SH3RF3: variants seen among roughly 807,000 people sequenced by gnomAD.
The protein encoded by SH3RF3 is E3 ubiquitin-protein ligase SH3RF3.
A neutral mutation model predicts 66.3 loss-of-function variants in SH3RF3; 29 were observed. The ratio of observed to expected loss-of-function variants is 0.44; its 90% CI spans 0.33 to 0.60. SH3RF3 has a LOEUF of 0.60. Ranked by LOEUF, SH3RF3 falls within the 20% of genes least tolerant of loss-of-function variation. The probability of loss-of-function intolerance (pLI) is 0.04; values close to 1 mark genes in which losing one functional copy is unlikely to be tolerated. For missense variants in SH3RF3, 1,194 were observed against 1,190.9 expected (o/e 1.00, Z -0.04); for synonymous variants, 583 against 532.0 (o/e 1.10, Z -1.32).
intron 1 of SH3RF3, among the ~76,000 whole-genome samples, chr2:109,266,141 A>G (rs1260894657): frequency 7.3e-6 from 1 of 137,414 alleles, no homozygotes; most frequent in Non-Finnish European, 1.6e-5. Flanking sequence ...TTGTAGGTGC[A>G]TGTGTGCTGT....
At chr2:109,135,149 C>A (rs1434483707) in intron 1 of SH3RF3, among the ~76,000 whole-genome samples, 1 of 152,220 alleles carries the variant, frequency 6.6e-6, no homozygotes. Flanking sequence ...GGGTTTCTTC[C>A]CCTTGTACTT....
Position 109,244,058 on chromosome 2 carries a change from T to C in SH3RF3, c.574-103616T>C, listed in dbSNP as rs1679853026. On this transcript the variant is annotated intron_variant, in intron 1 of 9. Transcript: ENST00000309415. ...GTGAGATGGGTAATTGTAGCGAGGG[T>C]ATTTTCTCTGTTGGTCCTAGATTGC... 2.0e-5 allele frequency among the ~76,000 whole-genome samples: 3 copies of C among 152,202 alleles called. 1 individual carries two copies. Among genetic ancestry groups the C allele is most frequent in the Admixed American group, 1.3e-4 (2 of 15,278 alleles).
chr2:109,319,098 T>C (rs1681957200), intron 1 of SH3RF3, among the ~76,000 whole-genome samples: 1 of 152,146 alleles, frequency 6.6e-6, no homozygotes, highest in African/African-American at 2.4e-5. Flanking sequence ...CAGCAGCTGC[T>C]TGTAGGTGTC....
At chr2:109,249,588 C>CCTTCTTTTCTTTCTTTCTTTT (rs1680031809) in intron 1 of SH3RF3, among the ~76,000 whole-genome samples, 1 of 134,514 alleles carries the variant, frequency 7.4e-6, no homozygotes, top group African/African-American at 3.0e-5. Context: ...TCCTTCCTTT[C>CCTTCTTTTCTTTCTTTCTTTT]CTTTCTTTCT....
chr2:109,446,971 G>A (rs1677722968), intron 7 of SH3RF3, among the ~76,000 whole-genome samples: 1 of 151,880 alleles, frequency 6.6e-6, no homozygotes. Flanking sequence ...CAGCTGAGGG[G>A]AGAGACGAAT....
At chr2:109,407,609 C>A (rs114434440) in intron 4 of SH3RF3, among the ~76,000 whole-genome samples, 2 of 152,216 alleles carry the variant, frequency 1.3e-5, no homozygotes, top group African/African-American at 4.8e-5. Context: ...GCTCCAGCTC[C>A]AGCTCTCAAC....
chr2:109,274,128 G>A lies in SH3RF3; in HGVS notation c.574-73546G>A, dbSNP rs116564580. Among the ~76,000 whole-genome samples, 334 of 152,238 alleles carry A rather than the reference G, an allele frequency of 2.2e-3. 3 individuals carry two copies. Among genetic ancestry groups the A allele is most frequent in the African/African-American group, 7.4e-3 (309 of 41,538 alleles). ...AATCATTTGTGGTAGTATGTCAAAG[G>A]CAACTTGTAGTTCTGGAAATCTTCT... On this transcript the variant is annotated intron_variant, in intron 1 of 9. Transcript: ENST00000309415.
intron 1 of SH3RF3, among the ~76,000 whole-genome samples, chr2:109,164,056 C>T (rs560352777): frequency 6.6e-6 from 1 of 152,262 alleles, no homozygotes; most frequent in East Asian, 1.9e-4. Context: ...TATAAATTTG[C>T]TTCTAAGGTG....
At chr2:109,146,897 C>T (rs1015011783) in intron 1 of SH3RF3, among the ~76,000 whole-genome samples, 4 of 85,874 alleles carry the variant, frequency 4.7e-5, no homozygotes, top group African/African-American at 1.3e-4. Flanking sequence ...CCCCCCCCCC[C>T]CCCCGCCCCA....
At chr2:109,359,483 A>G (rs1683012256) in intron 2 of SH3RF3, among the ~76,000 whole-genome samples, 1 of 152,200 alleles carries the variant, frequency 6.6e-6, no homozygotes. Context: ...CATCTTGCAC[A>G]TATTTTGTTA....
intron 1 of SH3RF3, among the ~76,000 whole-genome samples, chr2:109,134,531 T>G (rs1265269998): frequency 1.3e-5 from 2 of 152,214 alleles, no homozygotes; most frequent in African/African-American, 4.8e-5. Context: ...GAATGAAGCC[T>G]CTGCTGAGGG....
intron 3 of SH3RF3, among the ~76,000 whole-genome samples, chr2:109,387,852 G>C (rs950105008): frequency 7.3e-6 from 1 of 136,632 alleles, no homozygotes; most frequent in Non-Finnish European, 1.5e-5. Flanking sequence ...AACAGCCCCA[G>C]ATGGTTGGGG....
intron 1 of SH3RF3, among the ~76,000 whole-genome samples, chr2:109,260,301 C>G (rs1450704248): frequency 6.6e-6 from 1 of 152,152 alleles, no homozygotes; most frequent in Non-Finnish European, 1.5e-5. Context: ...CACTGCTGAT[C>G]CCAAGTGCTA....
intron 7 of SH3RF3, among the ~76,000 whole-genome samples, chr2:109,437,750 G>T (rs939658965): frequency 6.6e-6 from 1 of 151,850 alleles, no homozygotes; most frequent in Non-Finnish European, 1.5e-5. Context: ...GCCCCAGGAT[G>T]TTGTGAGATG....
At chr2:109,410,789 G>A (rs1275478713) in intron 4 of SH3RF3, among the ~76,000 whole-genome samples, 1 of 152,232 alleles carries the variant, frequency 6.6e-6, no homozygotes, top group Non-Finnish European at 1.5e-5. Context: ...TCCTGGGCAT[G>A]GGCTGCTAGG....
chr2:109,204,663 G>T (rs1025034069), intron 1 of SH3RF3, among the ~76,000 whole-genome samples: 1 of 152,194 alleles, frequency 6.6e-6, no homozygotes, highest in African/African-American at 2.4e-5. Flanking sequence ...GGACCTGCTG[G>T]CAGGCAGGAT....
At chr2:109,480,283 C>A (rs572739172) in intron 8 of SH3RF3, among the ~76,000 whole-genome samples, 1 of 152,278 alleles carries the variant, frequency 6.6e-6, no homozygotes, top group East Asian at 1.9e-4. Context: ...GCACTTGAGC[C>A]CCATGTTTGA....
chr2:109,134,436 C>T (rs1676771989), intron 1 of SH3RF3, among the ~76,000 whole-genome samples: 1 of 152,168 alleles, frequency 6.6e-6, no homozygotes, highest in African/African-American at 2.4e-5. Flanking sequence ...GTTCAGAAGG[C>T]CCCTGAGTGT....
intron 1 of SH3RF3, among the ~76,000 whole-genome samples, chr2:109,157,353 T>C (rs1038371247): frequency 3.3e-5 from 5 of 152,236 alleles, no homozygotes; most frequent in South Asian, 2.1e-4. Context: ...TTACAAATAT[T>C]GCATTCGCTT....
Sources: gnomAD v4.1 joint callset for allele counts (sites outside exome capture counted in the v4.1 genomes callset) on GRCh38, gnomAD v4.1.1 for gene constraint, MANE v1.5 for transcripts, NCBI Gene and HGNC (gene_info 2026-07-23, HGNC 2026-07-21) for gene names.